ASB3: variants seen among roughly 807,000 people sequenced by gnomAD.
ASB3 encodes ankyrin repeat and SOCS box containing 3.
In ASB3, 41 loss-of-function variants were observed where a neutral mutation model predicts 54.5. The ratio of observed to expected loss-of-function variants is 0.75; its 90% CI spans 0.59 to 0.98. ASB3 has a LOEUF of 0.98. Among genes scored for constraint, ASB3 ranks in the 50% least tolerant of loss-of-function variants. The probability of loss-of-function intolerance (pLI) is 0.00; values close to 1 mark genes in which losing one functional copy is unlikely to be tolerated. For synonymous variants in ASB3, 266 were observed against 221.2 expected, an observed-to-expected ratio of 1.20 and a Z score of -1.80; for missense variants, 733 against 620.0, an observed-to-expected ratio of 1.18 and a Z score of -1.94.
intron 5 of ASB3, 23 bp from the exon 6 acceptor site, chr2:53,716,766 T>A (rs1157378510): frequency 1.3e-6 from 2 of 1,598,214 alleles, no homozygotes; most frequent in South Asian, 1.1e-5. Flanking sequence ...AATAAAACAT[T>A]TAACAGATAA....
Position 53,716,703 on chromosome 2 carries a change from G to A in ASB3, c.645C>T (p.Pro215=), listed in dbSNP as rs1360265833. The A allele has an allele frequency of 1.1e-5, 17 of 1,614,086 alleles. No individual in the cohort carries two copies. Among genetic ancestry groups the A allele is most frequent in the Admixed American group, 3.3e-5 (2 of 60,026 alleles). Residue 215 remains proline, a synonymous_variant, in exon 6 of 10, where the codon CCC becomes CCT. Coordinates refer to ENST00000263634, the MANE Select transcript of ASB3 (RefSeq NM_016115.5). ...GTCCCTCTTGAGCAGCAATGAACAA[G>A]GGTGTAGCTTTGTCCAAGGCTTGAC... The part of the protein sequence containing the change: ...VNCQALDKAT[P]LFIAAQEGHT...
At chr2:53,757,232 G>A (rs1672882953) in intron 2 of ASB3, among the ~76,000 whole-genome samples, 2 of 152,234 alleles carry the variant, frequency 1.3e-5, no homozygotes, top group Non-Finnish European at 2.9e-5. Flanking sequence ...TAATTAGTGT[G>A]GCTGCCAGAC....
chr2:53,756,472 G>T (rs551497029), intron 2 of ASB3, among the ~76,000 whole-genome samples: 5 of 152,274 alleles, frequency 3.3e-5, no homozygotes, highest in Non-Finnish European at 7.3e-5. Flanking sequence ...ACTTGACTGG[G>T]TTAAGGGATG....
intron 1 of ASB3, among the ~76,000 whole-genome samples, chr2:53,781,664 T>C (rs1674657786): frequency 6.6e-6 from 1 of 151,872 alleles, no homozygotes; most frequent in African/African-American, 2.4e-5. Context: ...CCTGTCTAAT[T>C]TTCTATTTTC....
intron 3 of ASB3, among the ~76,000 whole-genome samples, chr2:53,747,507 T>C (rs1000627303): frequency 3.3e-5 from 5 of 152,146 alleles, no homozygotes; most frequent in African/African-American, 7.2e-5. Context: ...GATTGTGCCA[T>C]TGCACTCCAG....
At chr2:53,748,488 T>C (rs1257102013) in intron 3 of ASB3, 1 of 152,234 alleles carries the variant, frequency 6.6e-6, no homozygotes, top group East Asian at 1.9e-4. Flanking sequence ...AAAGCTTCCA[T>C]GAAACGTGTA....
intron 2 of ASB3, among the ~76,000 whole-genome samples, chr2:53,756,489 T>C (rs1370734434): frequency 6.6e-6 from 1 of 152,200 alleles, no homozygotes; most frequent in African/African-American, 2.4e-5. Context: ...GATGCCCAGA[T>C]AGCTGCTAAA....
At chr2:53,701,572 CA>C (rs1377394105) in intron 7 of ASB3, among the ~76,000 whole-genome samples, 1 of 152,126 alleles carries the variant, frequency 6.6e-6, no homozygotes, top group Non-Finnish European at 1.5e-5. Context: ...GTAGGTTACA[CA>C]GAACTTTAGT....
rs540542893 is a variant in ASB3, at chr2:53,750,800, G to A, written c.338C>T (p.Thr113Met). 22 of 1,567,796 alleles carry A rather than the reference G, an allele frequency of 1.4e-5. No individual in the cohort carries two copies. Among genetic ancestry groups the A allele is most frequent in the Middle Eastern group, 1.7e-4 (1 of 5,932 alleles). Reference sequence around the variant, plus strand: ...ATACTTACCTAAAAACAATGGTGTCGTTTCTTCTAAAGTAGTTGCATTAGG... The same window carrying A: ...ATACTTACCTAAAAACAATGGTGTCATTTCTTCTAAAGTAGTTGCATTAGG... The part of the protein sequence containing the change: ...ADPNATTLEE[T>M]TPLFLAVENG... The change falls in exon 3 of 10, where the codon ACG becomes ATG. Residue 113 changes from threonine to methionine, a missense_variant. Thr to Met is a moderately conservative substitution (Grantham distance 81). Transcript: ENST00000263634.
At chr2:53,699,570 T>G (rs1258905521) in intron 8 of ASB3, among the ~76,000 whole-genome samples, 3 of 152,236 alleles carry the variant, frequency 2.0e-5, no homozygotes, top group African/African-American at 7.2e-5. Flanking sequence ...GATATTTTAT[T>G]GAAATTCTAT....
chr2:53,708,126 G>A lies in ASB3; in HGVS notation c.980+6258C>T, dbSNP rs116265677. On this transcript the variant is annotated intron_variant, in intron 7 of 9. Transcript: ENST00000263634. ...GTGTTGAAGGTGGGGCTTGGTGGGAGGTGACTGGATCATGGGGATGGGTTT... is the reference window on the plus strand; with the variant it reads ...GTGTTGAAGGTGGGGCTTGGTGGGAAGTGACTGGATCATGGGGATGGGTTT... Among the ~76,000 whole-genome samples, 1,218 of 152,268 alleles carry A rather than the reference G, an allele frequency of 8.0e-3. 16 individuals carry two copies. The highest frequency in any genetic ancestry group is 0.028 in the African/African-American group (1,145 of 41,548).
Position 53,740,968 on chromosome 2 carries a change from C to G in ASB3, c.355+9815G>C, listed in dbSNP as rs79569433. ...TAACACATCCCTAAACTTACACCTT[C>G]TTCTAGGGCTATAACACTGTAATTC... On this transcript the variant is annotated intron_variant, in intron 3 of 9. Coordinates refer to ENST00000263634, the MANE Select transcript of ASB3 (RefSeq NM_016115.5). Among the ~76,000 whole-genome samples the G allele has an allele frequency of 9.0e-3, 1,365 of 152,328 alleles. 17 individuals carry two copies. Among genetic ancestry groups the G allele is most frequent in the African/African-American group, 0.031 (1,302 of 41,574 alleles).
At chr2:53,753,652 G>GTTT (rs201461638) in intron 2 of ASB3, among the ~76,000 whole-genome samples, 20 of 144,770 alleles carry the variant, frequency 1.4e-4, no homozygotes, top group South Asian at 6.6e-4. Context: ...CTTTCTTTCT[G>GTTT]TTTTTTTTTT....
At chr2:53,700,605 G>C (rs922916253) in intron 7 of ASB3, 77 bp from the exon 8 acceptor site, 3 of 1,510,100 alleles carry the variant, frequency 2.0e-6, no homozygotes, top group Admixed American at 2.3e-5. Flanking sequence ...ACAGTTAATA[G>C]TAGTTACAGC....
At chr2:53,734,315 G>C (rs1671493762) in intron 3 of ASB3, among the ~76,000 whole-genome samples, 1 of 152,134 alleles carries the variant, frequency 6.6e-6, no homozygotes, top group Non-Finnish European at 1.5e-5. Context: ...TCAACCTGCA[G>C]ACTAGTTTAG....
At chr2:53,726,882 CAG>C (rs1186546732) in intron 5 of ASB3, among the ~76,000 whole-genome samples, 1 of 151,920 alleles carries the variant, frequency 6.6e-6, no homozygotes, top group Non-Finnish European at 1.5e-5. Flanking sequence ...TCAGTAGAGA[CAG>C]GGTTTCACCA....
At chr2:53,687,088 C>T (rs1668671901) in intron 9 of ASB3, among the ~76,000 whole-genome samples, 1 of 152,074 alleles carries the variant, frequency 6.6e-6, no homozygotes, top group African/African-American at 2.4e-5. Context: ...AGCAAAATGT[C>T]CCAGCAAATG....
chr2:53,757,197 C>T (rs1028097058), intron 2 of ASB3, among the ~76,000 whole-genome samples: 2 of 152,172 alleles, frequency 1.3e-5, no homozygotes, highest in Non-Finnish European at 1.5e-5. Context: ...AGGAAAATAC[C>T]GGGCACCTGT....
intron 6 of ASB3, among the ~76,000 whole-genome samples, chr2:53,714,953 A>C (rs1235336761): frequency 6.6e-6 from 1 of 152,180 alleles, no homozygotes; most frequent in Non-Finnish European, 1.5e-5. Flanking sequence ...TCATTCTACT[A>C]AGTATAAACT....
Sources: allele counts gnomAD v4.1 joint callset (sites outside exome capture counted in the v4.1 genomes callset), GRCh38; gene constraint gnomAD v4.1.1; transcripts MANE v1.5; gene names NCBI Gene and HGNC (gene_info 2026-07-23, HGNC 2026-07-21).